Variants in C2CD5 observed in about 807,000 individuals in gnomAD.
C2CD5 encodes C2 domain-containing protein 5.
Under a neutral mutation model 130.3 loss-of-function variants are expected in C2CD5, and 109 were observed. The observed-to-expected ratio is 0.84, with a 90% CI of 0.72 to 0.98. The LOEUF is 0.98. C2CD5 is among the 50% of genes least tolerant of loss of function. The pLI, the probability that C2CD5 is intolerant of heterozygous loss-of-function variation, is 0.00. For missense variants in C2CD5, 996 were observed against 1,261.8 expected (o/e 0.79, Z 3.19); for synonymous variants, 454 against 429.2 (o/e 1.06, Z -0.71).
At chr12:22,534,502 T>G (rs1190082370) in intron 3 of C2CD5, among the ~76,000 whole-genome samples, 1 of 152,176 alleles carries the variant, frequency 6.6e-6, no homozygotes, top group Non-Finnish European at 1.5e-5. Flanking sequence ...ATATTCAGAA[T>G]ATATAAAGAA....
At chr12:22,523,232 T>C (rs1377075620) in intron 7 of C2CD5, among the ~76,000 whole-genome samples, 194 bp downstream of exon 7, 2 of 151,942 alleles carry the variant, frequency 1.3e-5, no homozygotes, top group Admixed American at 1.3e-4. Context: ...AAAATAAAAA[T>C]AAATAAGACG....
rs768571510 is a variant in C2CD5 at position 22,474,931 on chromosome 12, C to G, written c.1903-40G>C. ...ATTGTTTTATATCATATGAGATTGTCTTTTCCAGTTTAAATTTTACATCTT... is the reference window on the plus strand; with the variant it reads ...ATTGTTTTATATCATATGAGATTGTGTTTTCCAGTTTAAATTTTACATCTT... On this transcript the variant is annotated intron_variant, in intron 15 of 26. Transcript: ENST00000446597. The G allele has an allele frequency of 3.6e-6, 5 of 1,391,516 alleles. No homozygotes were observed. In the South Asian group the frequency reaches 6.3e-5, roughly 18 times the overall value. 86.2% of individuals were successfully genotyped at this position (1,391,516 alleles called of 1,614,324 possible).
chr12:22,461,067 G>C (rs890216338), intron 22 of C2CD5, among the ~76,000 whole-genome samples: 3 of 152,200 alleles, frequency 2.0e-5, no homozygotes, highest in African/African-American at 2.4e-5. Context: ...AGGATCTTGA[G>C]AGACTTTGGA....
intron 12 of C2CD5, among the ~76,000 whole-genome samples, chr12:22,487,823 A>C (rs1185882347): frequency 3.3e-5 from 5 of 152,054 alleles, no homozygotes; most frequent in Non-Finnish European, 5.9e-5. Flanking sequence ...CAATGATAGA[A>C]TGGATTAAGA....
intron 10 of C2CD5, among the ~76,000 whole-genome samples, chr12:22,496,696 T>C (rs1267698791): frequency 6.7e-6 from 1 of 149,670 alleles, no homozygotes; most frequent in Non-Finnish European, 1.5e-5. Flanking sequence ...ATATTTTATA[T>C]ATAAGTTTAA....
intron 22 of C2CD5, among the ~76,000 whole-genome samples, chr12:22,466,410 T>C (rs1267675182): frequency 2.0e-5 from 3 of 152,102 alleles, no homozygotes; most frequent in Non-Finnish European, 4.4e-5. Context: ...TATGGTTGCA[T>C]ATTTTAAAAA....
At chr12:22,506,165 C>T (rs1192201485) in intron 10 of C2CD5, among the ~76,000 whole-genome samples, 2 of 152,118 alleles carry the variant, frequency 1.3e-5, no homozygotes, top group African/African-American at 4.8e-5. Flanking sequence ...GTTCCTATGA[C>T]ACCCACAGTG....
intron 8 of C2CD5, among the ~76,000 whole-genome samples, chr12:22,515,761 G>C (rs1406766630): frequency 6.6e-6 from 1 of 151,698 alleles, no homozygotes; most frequent in Non-Finnish European, 1.5e-5. Flanking sequence ...ACTTTACTCT[G>C]ATCATAGTAT....
chr12:22,511,239 T>C (rs946922600), intron 9 of C2CD5, among the ~76,000 whole-genome samples: 2 of 150,398 alleles, frequency 1.3e-5, no homozygotes, highest in African/African-American at 4.9e-5. Context: ...GAAACGAATA[T>C]TAAAGAAAGG....
intron 10 of C2CD5, among the ~76,000 whole-genome samples, chr12:22,494,855 T>C (rs1200277814): frequency 6.6e-6 from 1 of 152,102 alleles, no homozygotes; most frequent in Non-Finnish European, 1.5e-5. Context: ...AAATGAAATG[T>C]ATATAGTAAC....
At chr12:22,520,648 A>T (rs2136989234) in intron 7 of C2CD5, among the ~76,000 whole-genome samples, 1 of 152,290 alleles carries the variant, frequency 6.6e-6, no homozygotes, top group African/African-American at 2.4e-5. Context: ...GAATTAAAAA[A>T]TCCAAGACTT....
intron 22 of C2CD5, among the ~76,000 whole-genome samples, chr12:22,469,358 T>A (rs1208729091): frequency 6.6e-6 from 1 of 152,056 alleles, no homozygotes; most frequent in Non-Finnish European, 1.5e-5. Flanking sequence ...TTGTGAAGGT[T>A]TAATTGTTGC....
Position 22,482,673 on chromosome 12 carries a change from T to C in C2CD5, c.1621A>G (p.Met541Val). The change falls in exon 14 of 27, where the codon ATG becomes GTG. Residue 541 changes from methionine (M) to valine (V), a missense_variant. Physicochemically the swap from Met to Val is conservative, Grantham distance 21. Transcript: ENST00000446597. The stretch of plus-strand genomic sequence containing the variant: ...AGCTGAGTATGCACTTCATATTCCA[T>C]AAATGGCAAGAGATTACTGATAGCT... ...ATAISNLLPF[M>V]EYEVHTQLMN... 1 of 1,613,406 alleles carries C rather than the reference T, an allele frequency of 6.2e-7. No individual in the cohort carries two copies. The highest frequency in any genetic ancestry group is 1.1e-5 in the South Asian group (1 of 91,068).
In C2CD5 at chr12:22,506,702, A is replaced by T; in HGVS notation, c.1147+9T>A. The T allele has an allele frequency of 6.9e-7, 1 of 1,445,534 alleles. No individual in the cohort carries two copies. The highest frequency in any genetic ancestry group is 9.7e-7 in the Non-Finnish European group (1 of 1,032,806). 89.5% of individuals were successfully genotyped at this position (1,445,534 alleles called of 1,614,324 possible). A position where few individuals can be genotyped will look rare whatever the true frequency, so the allele number is the denominator to read the frequency against. On this transcript the variant is annotated intron_variant, in intron 10 of 26. Transcript: ENST00000446597. Reference sequence around the variant, plus strand: ...ATAAAGGAAACATTGAAACTTTTTAAGAACATACCAGGATTGTGGATACGA... The same window carrying T: ...ATAAAGGAAACATTGAAACTTTTTATGAACATACCAGGATTGTGGATACGA...
In C2CD5 at chr12:22,530,109, TATAC is replaced by T. The variant is rs1189672398; in HGVS notation, c.178-2221_178-2218del. 4.2e-3 allele frequency among the ~76,000 whole-genome samples: 450 copies of T among 106,590 alleles called. 1 individual carries two copies. The highest frequency in any genetic ancestry group is 8.6e-3 in the South Asian group (30 of 3,504). 69.9% of individuals were successfully genotyped at this position (106,590 alleles called of 152,430 possible). A position where few individuals can be genotyped will look rare whatever the true frequency, so the allele number is the denominator to read the frequency against. The stretch of plus-strand genomic sequence containing the variant: ...ATATATATATATATATATATATATA[TATAC>T]ACACACACACACACACACACACACA... On this transcript the variant is annotated intron_variant, in intron 3 of 26. Transcript: ENST00000446597.
chr12:22,464,533 T>A (rs556541001), intron 22 of C2CD5, among the ~76,000 whole-genome samples: 2 of 152,178 alleles, frequency 1.3e-5, no homozygotes, highest in Non-Finnish European at 2.9e-5. Flanking sequence ...TTCCTACTTC[T>A]CCATCAATTC....
chr12:22,522,272 C>A (rs148236523), intron 7 of C2CD5, among the ~76,000 whole-genome samples: 2 of 152,256 alleles, frequency 1.3e-5, no homozygotes, highest in East Asian at 3.9e-4. Context: ...TGAAACAAGT[C>A]TTCATTGTAT....
chr12:22,521,198 C>T lies in C2CD5; in HGVS notation c.800+2228G>A, dbSNP rs559667777. The stretch of plus-strand genomic sequence containing the variant: ...AGGCTTTGAAATAGAACCCAAATTG[C>T]TTCATTCTCAAAAAATACAATGAAG... On this transcript the variant is annotated intron_variant, in intron 7 of 26. Coordinates refer to ENST00000446597, the MANE Select transcript of C2CD5 (RefSeq NM_001286176.2). 5.3e-5 allele frequency among the ~76,000 whole-genome samples: 8 copies of T among 152,178 alleles called. No homozygotes were observed. The South Asian group carries it at 1.5e-3, about 28-fold the overall frequency.
At chr12:22,539,864 C>T (rs757533800) in intron 2 of C2CD5, among the ~76,000 whole-genome samples, 1 of 151,952 alleles carries the variant, frequency 6.6e-6, no homozygotes, top group Non-Finnish European at 1.5e-5. Context: ...CATGGTGGTG[C>T]ACTGGTAGTC....
Sources: gnomAD v4.1 joint callset for allele counts (sites outside exome capture counted in the v4.1 genomes callset) on GRCh38, gnomAD v4.1.1 for gene constraint, MANE v1.5 for transcripts, NCBI Gene and HGNC (gene_info 2026-07-23, HGNC 2026-07-21) for gene names.